ANKRD55: variants seen among roughly 807,000 people sequenced by gnomAD.
ANKRD55 encodes ankyrin repeat domain 55.
A neutral mutation model predicts 60.6 loss-of-function variants in ANKRD55; 41 were observed. The ratio of observed to expected loss-of-function variants is 0.68; its 90% CI spans 0.53 to 0.88. ANKRD55 has a LOEUF of 0.88. ANKRD55 is among the 40% of genes least tolerant of loss of function. ANKRD55 has a pLI of 0.00. For missense variants in ANKRD55, 732 were observed against 767.6 expected (o/e 0.95, Z 0.55); for synonymous variants, 264 against 290.3 (o/e 0.91, Z 0.92).
intron 7 of ANKRD55, among the ~76,000 whole-genome samples, chr5:56,135,246 CCTT>C: frequency 7.3e-6 from 1 of 137,888 alleles, no homozygotes; most frequent in Non-Finnish European, 1.6e-5. Context: ...TTCCTTCCTT[CCTT>C]CCTTCCTTCC....
At chr5:56,158,172 ATCTG>A (rs1758243158) in intron 6 of ANKRD55, among the ~76,000 whole-genome samples, 1 of 149,400 alleles carries the variant, frequency 6.7e-6, no homozygotes, top group Non-Finnish European at 1.5e-5. Flanking sequence ...CAGAGTAAGA[ATCTG>A]TCTATTTAAA....
chr5:56,130,539 C>T (rs114366849), intron 7 of ANKRD55, among the ~76,000 whole-genome samples: 62 of 152,270 alleles, frequency 4.1e-4, no homozygotes, highest in African/African-American at 1.3e-3. Context: ...ATTACTAAAG[C>T]GCTATTTACA....
Position 56,111,233 on chromosome 5 carries a change from T to A in ANKRD55, c.1515A>T (p.Lys505Asn). 3.1e-6 allele frequency: 5 copies of A among 1,614,144 alleles called. No homozygotes were observed. The highest frequency in any genetic ancestry group is 4.2e-6 in the Non-Finnish European group (5 of 1,180,014). Residue 505 changes from lysine to asparagine, a missense_variant, in exon 10 of 12, where the codon AAA becomes AAT. Coordinates refer to ENST00000341048, the MANE Select transcript of ANKRD55 (RefSeq NM_024669.3). ...KSDSNQVFSY[K>N]VWTVSSSDKL... ...TATCAGAAGAAGACACAGTCCAAAC[T>A]TTGTAGGAAAATACCTGATTAGAAT...
chr5:56,150,695 C>G (rs1026745201), intron 6 of ANKRD55, among the ~76,000 whole-genome samples: 1 of 151,986 alleles, frequency 6.6e-6, no homozygotes, highest in Non-Finnish European at 1.5e-5. Context: ...GTCAGGAGTT[C>G]GAGACCAGCC....
intron 8 of ANKRD55, among the ~76,000 whole-genome samples, chr5:56,117,458 T>TC (rs1258811703): frequency 5.0e-4 from 76 of 152,322 alleles, no homozygotes; most frequent in African/African-American, 1.6e-3. Flanking sequence ...ATTTTTATTT[T>TC]TATTTTATTT....
chr5:56,175,444 A>G (rs993864083), intron 4 of ANKRD55, among the ~76,000 whole-genome samples: 5 of 152,210 alleles, frequency 3.3e-5, no homozygotes, highest in Admixed American at 3.3e-4. Context: ...CTTGTTTGAC[A>G]TGGACTCAAG....
intron 2 of ANKRD55, among the ~76,000 whole-genome samples, chr5:56,188,367 A>T (rs1759022342): frequency 8.2e-6 from 1 of 121,838 alleles, no homozygotes; most frequent in Admixed American, 7.2e-5. Context: ...CCCCCCTACA[A>T]CCAAAAAAAA....
At chr5:56,120,899 CAAAAAAAAAAA>C in intron 8 of ANKRD55, among the ~76,000 whole-genome samples, 1 of 81,126 alleles carries the variant, frequency 1.2e-5, no homozygotes, top group Non-Finnish European at 2.4e-5. Flanking sequence ...GACTCCGTCT[CAAAAAAAAAAA>C]AAAAAAAAAG....
intron 7 of ANKRD55, among the ~76,000 whole-genome samples, chr5:56,135,266 C>T (rs1757535539): frequency 1.0e-5 from 1 of 95,748 alleles, no homozygotes; most frequent in East Asian, 3.3e-4. Context: ...TTCCTTCTTT[C>T]CCTCCCTCCC....
At chr5:56,198,405 C>T (rs1204083739) in intron 2 of ANKRD55, among the ~76,000 whole-genome samples, 2 of 152,016 alleles carry the variant, frequency 1.3e-5, no homozygotes, top group Non-Finnish European at 2.9e-5. Context: ...CCTTCCTCAG[C>T]CTCCCGAGTA....
chr5:56,127,250 A>T, intron 7 of ANKRD55, 144 bp from the exon 8 acceptor site: 1 of 1,310,102 alleles, frequency 7.6e-7, no homozygotes, highest in Non-Finnish European at 9.7e-7. Flanking sequence ...AATGGAAAAA[A>T]AAGAATAAAA....
Position 56,135,290 on chromosome 5 carries a change from G to GCCTGCTTTCTTT in ANKRD55, c.613-8185_613-8184insAAAGAAAGCAGG, listed in dbSNP as rs1554038504. ...TCCCTCCCTCCCTCCCTGCCTGCCTGCTTGCTTTCTTTCTTTCTTTCTTTC... is the reference window on the plus strand; with the variant it reads ...TCCCTCCCTCCCTCCCTGCCTGCCTGCCTGCTTTCTTTCTTGCTTTCTTTCTTTCTTTCTTTC... On this transcript the variant is annotated intron_variant, in intron 7 of 11. Coordinates refer to ENST00000341048, the MANE Select transcript of ANKRD55 (RefSeq NM_024669.3). 8.4e-4 allele frequency among the ~76,000 whole-genome samples: 58 copies of GCCTGCTTTCTTT among 69,316 alleles called. 1 individual carries two copies. Among genetic ancestry groups the GCCTGCTTTCTTT allele is most frequent in the East Asian group, 2.2e-3 (5 of 2,314 alleles). The allele number at this position is 69,316 out of a possible 152,430, so 45.5% of individuals were successfully genotyped here.
chr5:56,216,828 A>G (rs1488039280), intron 2 of ANKRD55, among the ~76,000 whole-genome samples: 1 of 152,260 alleles, frequency 6.6e-6, no homozygotes, highest in Non-Finnish European at 1.5e-5. Flanking sequence ...AGCCATCTCT[A>G]TAACACAAAA....
intron 2 of ANKRD55, among the ~76,000 whole-genome samples, chr5:56,201,575 G>A (rs160940): frequency 0.17 from 25,974 of 152,176 alleles, 2,690 homozygotes; most frequent in East Asian, 0.38. Context: ...CCTTAGGCAA[G>A]TTGCTTAACA....
At chr5:56,140,385 G>C (rs1757730493) in intron 7 of ANKRD55, among the ~76,000 whole-genome samples, 1 of 152,190 alleles carries the variant, frequency 6.6e-6, no homozygotes, top group Non-Finnish European at 1.5e-5. Flanking sequence ...CAGAGCCGGG[G>C]TTCTTAGCCT....
At chr5:56,132,397 G>A (rs557354968) in intron 7 of ANKRD55, among the ~76,000 whole-genome samples, 12 of 147,014 alleles carry the variant, frequency 8.2e-5, no homozygotes, top group African/African-American at 2.1e-4. Flanking sequence ...TGGCTAACAC[G>A]GTGAAACCCT....
rs145449755 is a variant in ANKRD55, at chr5:56,124,698, G to T, written c.797+2224C>A. Among the ~76,000 whole-genome samples, 813 of 152,156 alleles carry T rather than the reference G, an allele frequency of 5.3e-3. 9 individuals are homozygous for T. Among genetic ancestry groups the T allele is most frequent in the African/African-American group, 0.018 (731 of 41,498 alleles). ...AATTTTTGTATTTTTAGTAGAGACA[G>T]GGTTTCACCATGTTGGCCAGGTTGG... On this transcript the variant is annotated intron_variant, in intron 8 of 11. Coordinates refer to ENST00000341048, the MANE Select transcript of ANKRD55 (RefSeq NM_024669.3).
chr5:56,120,673 G>T (rs1283465707), intron 8 of ANKRD55, among the ~76,000 whole-genome samples: 1 of 152,122 alleles, frequency 6.6e-6, no homozygotes, highest in African/African-American at 2.4e-5. Context: ...GCCAAGGCAG[G>T]CGGATCACGA....
At chr5:56,147,064 G>A (rs746480713) in intron 6 of ANKRD55, among the ~76,000 whole-genome samples, 1 of 152,218 alleles carries the variant, frequency 6.6e-6, no homozygotes, top group Non-Finnish European at 1.5e-5. Flanking sequence ...ATAGTTTGGT[G>A]AAGGGGTGGG....
Sources: allele counts gnomAD v4.1 joint callset (sites outside exome capture counted in the v4.1 genomes callset), GRCh38; gene constraint gnomAD v4.1.1; transcripts MANE v1.5; gene names NCBI Gene and HGNC (gene_info 2026-07-23, HGNC 2026-07-21).